FGF13: variants seen among roughly 807,000 people sequenced by gnomAD.
The protein encoded by FGF13 is fibroblast growth factor 13.
FGF13 carries 2 observed loss-of-function variants against 19.5 expected under a neutral mutation model. That is an observed-to-expected ratio of 0.10 (90% confidence interval 0.04 to 0.32). The LOEUF is 0.32. Among genes scored for constraint, FGF13 ranks in the 10% least tolerant of loss-of-function variants. The probability of loss-of-function intolerance (pLI) is 1.00; values close to 1 mark genes in which losing one functional copy is unlikely to be tolerated. For synonymous variants in FGF13, 72 were observed against 76.9 expected (o/e 0.94, Z 0.33); for missense variants, 113 against 192.7 (o/e 0.59, Z 2.45).
intron 3 of FGF13, among the ~76,000 whole-genome samples, chrX:138,757,477 A>G (rs1465137633): frequency 9.0e-6 from 1 of 111,518 alleles, no homozygotes; most frequent in African/African-American, 3.3e-5. Context: ...GTTTTCTGCC[A>G]TCCTTAAAAT....
At chrX:139,139,890 A>C (rs1223552879) in intron 1 of FGF13, among the ~76,000 whole-genome samples, 1 of 111,526 alleles carries the variant, frequency 9.0e-6, no homozygotes, top group African/African-American at 3.3e-5. Context: ...ACTATTTGAA[A>C]CACCCTATAC....
chrX:138,978,266 G>GTT lies in FGF13; in HGVS notation c.-112-113618_-112-113617dup, dbSNP rs10666140. Among the ~76,000 whole-genome samples the GTT allele has an allele frequency of 1.2e-4, 10 of 82,885 alleles. 1 individual carries two copies. Among genetic ancestry groups the GTT allele is most frequent in the Non-Finnish European group, 6.5e-5 (3 of 45,932 alleles). 72.0% of individuals were successfully genotyped at this position (82,885 alleles called of 115,157 possible). A position where few individuals can be genotyped will look rare whatever the true frequency, so the allele number is the denominator to read the frequency against. On this transcript the variant is annotated intron_variant, in intron 1 of 2. Transcript: ENST00000421460. ...TAATCTCTATGGGCTAGCTGCCCTGGTTTTTTTTTTTTTTGAGATGGAGTC... is the reference window on the plus strand; with the variant it reads ...TAATCTCTATGGGCTAGCTGCCCTGGTTTTTTTTTTTTTTTTGAGATGGAGTC...
chrX:138,963,539 T>C (rs2091883284), intron 1 of FGF13, among the ~76,000 whole-genome samples: 1 of 112,180 alleles, frequency 8.9e-6, no homozygotes, highest in Non-Finnish European at 1.9e-5. Context: ...GTCAGACTTA[T>C]TTGCTATGCA....
Position 138,617,131 on chromosome X carries a change from G to A in FGF13, c.*15719C>T, listed in dbSNP as rs2088976139. The A allele has an allele frequency of 9.0e-6, 1 of 111,544 alleles. No homozygotes were observed. Among genetic ancestry groups the A allele is most frequent in the Non-Finnish European group, 1.9e-5 (1 of 53,168 alleles). 9.2% of individuals were successfully genotyped at this position (111,544 alleles called of 1,213,427 possible). A position where few individuals can be genotyped will look rare whatever the true frequency, so the allele number is the denominator to read the frequency against. ...AGGAATATTCTATATCTTGAAAGGA[G>A]TTTCTGTTACATGGTGCACGCATTT... On this transcript the variant is annotated 3_prime_UTR_variant, in exon 5 of 5. Coordinates refer to ENST00000315930, the MANE Select transcript of FGF13 (RefSeq NM_004114.5).
chrX:138,950,374 A>G (rs917454546), intron 1 of FGF13, among the ~76,000 whole-genome samples: 6 of 112,305 alleles, frequency 5.3e-5, no homozygotes, highest in African/African-American at 1.9e-4. Flanking sequence ...AGGTTAACCA[A>G]TAAGTACCAT....
At chrX:138,800,944 T>G (rs1005235575) in intron 3 of FGF13, among the ~76,000 whole-genome samples, 56 of 112,379 alleles carry the variant, frequency 5.0e-4, no homozygotes, top group African/African-American at 1.8e-3. Context: ...GTCATTTTTG[T>G]TCTTCTCTAA....
In FGF13 at chrX:139,156,736, C is replaced by T. The variant is rs917993101; in HGVS notation, c.-113+46680G>A. Reference sequence around the variant, plus strand: ...ACTCCCAGAAATTTTTATTCAGTAACTCTACCATGGGGCACATACTTAACA... The same window carrying T: ...ACTCCCAGAAATTTTTATTCAGTAATTCTACCATGGGGCACATACTTAACA... On this transcript the variant is annotated intron_variant, in intron 1 of 2. Transcript: ENST00000421460. Among the ~76,000 whole-genome samples, 5 of 112,339 alleles carry T rather than the reference C, an allele frequency of 4.5e-5. 1 individual carries two copies. The highest frequency in any genetic ancestry group is 9.2e-3 in the Middle Eastern group (2 of 218).
chrX:138,900,938 C>T (rs1161477518), intron 1 of FGF13, among the ~76,000 whole-genome samples: 4 of 112,001 alleles, frequency 3.6e-5, no homozygotes, highest in African/African-American at 1.3e-4. Context: ...ATGAGGCTAG[C>T]CCCTTCTTAT....
chrX:139,108,569 G>A (rs1027614983), intron 1 of FGF13, among the ~76,000 whole-genome samples: 6 of 111,645 alleles, frequency 5.4e-5, no homozygotes, highest in East Asian at 2.8e-4. Flanking sequence ...AAAATATGTC[G>A]TAGCTGTACT....
chrX:139,118,041 T>C (rs1179884070), intron 1 of FGF13, among the ~76,000 whole-genome samples: 1 of 111,657 alleles, frequency 9.0e-6, no homozygotes, highest in Admixed American at 9.5e-5. Context: ...CCACCAGGTA[T>C]GCTGTGATAA....
At chrX:139,149,395 G>A (rs911424575) in intron 1 of FGF13, among the ~76,000 whole-genome samples, 5 of 112,313 alleles carry the variant, frequency 4.5e-5, no homozygotes, top group Non-Finnish European at 7.5e-5. Context: ...TTTGTTAAAT[G>A]TACATAGGAA....
At chrX:139,015,569 A>G (rs1427977430) in intron 1 of FGF13, among the ~76,000 whole-genome samples, 3 of 111,633 alleles carry the variant, frequency 2.7e-5, no homozygotes, top group Admixed American at 9.5e-5. Context: ...TGGACACCAA[A>G]AAATGTAAAG....
intron 1 of FGF13, among the ~76,000 whole-genome samples, chrX:138,965,283 T>C (rs889068840): frequency 1.8e-5 from 2 of 112,382 alleles, no homozygotes; most frequent in Non-Finnish European, 3.8e-5. Context: ...CTACACTTTC[T>C]ATCATGTGGT....
At chrX:138,870,356 G>A (rs779465551) in intron 1 of FGF13, among the ~76,000 whole-genome samples, 2 of 110,372 alleles carry the variant, frequency 1.8e-5, no homozygotes, top group South Asian at 7.6e-4. Context: ...ATTTAACAGA[G>A]AGAAAACTGA....
At chrX:138,665,237 A>C (rs2089529094) in intron 3 of FGF13, among the ~76,000 whole-genome samples, 1 of 111,496 alleles carries the variant, frequency 9.0e-6, no homozygotes, top group African/African-American at 3.3e-5. Context: ...GTGAGGCCTT[A>C]GAATCTGTGT....
intron 1 of FGF13, among the ~76,000 whole-genome samples, chrX:139,169,932 T>G (rs2084116384): frequency 9.0e-6 from 1 of 111,076 alleles, no homozygotes; most frequent in South Asian, 3.9e-4. Context: ...GGCAGTGGCT[T>G]TCAAACTGCA....
chrX:138,687,683 A>C (rs1030993902), intron 3 of FGF13, among the ~76,000 whole-genome samples: 1 of 112,077 alleles, frequency 8.9e-6, no homozygotes, highest in Non-Finnish European at 1.9e-5. Flanking sequence ...CAGCATATCA[A>C]AGAGATATCT....
intron 1 of FGF13, among the ~76,000 whole-genome samples, chrX:139,092,139 A>G (rs1209038355): frequency 1.8e-5 from 2 of 111,651 alleles, no homozygotes; most frequent in African/African-American, 6.5e-5. Flanking sequence ...GGTGGCTGCC[A>G]GCTACACTTT....
In FGF13 at chrX:138,711,025, C is replaced by T. The variant is rs776421673; in HGVS notation, c.-22G>A. On this transcript the variant is annotated 5_prime_UTR_variant, in exon 1 of 5. Coordinates refer to ENST00000315930, the MANE Select transcript of FGF13 (RefSeq NM_004114.5). ...CCATGGCCACGACGCCCACCACCAC[C>T]GCTTCTTTTGCTGCCCCTCTCTGGG... The T allele has an allele frequency of 8.3e-7, 1 of 1,205,617 alleles. No homozygotes were observed. Among genetic ancestry groups the T allele is most frequent in the Non-Finnish European group, 1.1e-6 (1 of 893,544 alleles).
Sources: allele counts gnomAD v4.1 joint callset (sites outside exome capture counted in the v4.1 genomes callset), GRCh38; gene constraint gnomAD v4.1.1; transcripts MANE v1.5; gene names NCBI Gene and HGNC (gene_info 2026-07-23, HGNC 2026-07-21).